Variants in TMPRSS15 observed in about 807,000 individuals in gnomAD.
TMPRSS15 encodes the protein transmembrane serine protease 15.
A neutral mutation model predicts 125.3 loss-of-function variants in TMPRSS15; 128 were observed. The observed-to-expected ratio is 1.02, with a 90% CI of 0.89 to 1.18. The LOEUF is 1.18. Ranked by LOEUF, TMPRSS15 falls within the 50% of genes most tolerant of loss-of-function variation. The pLI, the probability that TMPRSS15 is intolerant of heterozygous loss-of-function variation, is 0.00. For missense variants in TMPRSS15, 1,283 were observed against 1,212.7 expected, an observed-to-expected ratio of 1.06 and a Z score of -0.86; for synonymous variants, 446 against 423.2, an observed-to-expected ratio of 1.05 and a Z score of -0.66.
intron 21 of TMPRSS15, among the ~76,000 whole-genome samples, chr21:18,292,842 C>T (rs1426225819): frequency 2.0e-5 from 3 of 152,148 alleles, no homozygotes; most frequent in Non-Finnish European, 4.4e-5. Flanking sequence ...GGAAAAATTG[C>T]CTCTACAGAC....
chr21:18,448,063 C>A (rs1347737143), intron 1 of TMPRSS15, among the ~76,000 whole-genome samples: 1 of 151,958 alleles, frequency 6.6e-6, no homozygotes, highest in Non-Finnish European at 1.5e-5. Context: ...AAAGGTTCTT[C>A]AAAAAATTAA....
At chr21:18,460,479 T>G (rs1196093398) in intron 1 of TMPRSS15, 1 of 152,224 alleles carries the variant, frequency 6.6e-6, no homozygotes, top group Non-Finnish European at 1.5e-5. Context: ...ATTATTTATC[T>G]GTACTGTGCA....
At chr21:18,390,170 A>G (rs535511267) in intron 3 of TMPRSS15, among the ~76,000 whole-genome samples, 1 of 152,162 alleles carries the variant, frequency 6.6e-6, no homozygotes, top group Non-Finnish European at 1.5e-5. Context: ...TTTTCATAAA[A>G]CTTTCCATGA....
At chr21:18,372,355 T>C in intron 5 of TMPRSS15, 31 bp from the exon 6 acceptor site, 1 of 1,606,022 alleles carries the variant, frequency 6.2e-7, no homozygotes, top group Non-Finnish European at 8.5e-7. Context: ...TAATTTCCAA[T>C]TGATGAGATA....
chr21:18,308,917 T>G (rs774719677), intron 18 of TMPRSS15, among the ~76,000 whole-genome samples: 1 of 152,234 alleles, frequency 6.6e-6, no homozygotes, highest in Non-Finnish European at 1.5e-5. Context: ...GCAAAGGACA[T>G]GAACTTATCC....
intron 21 of TMPRSS15, among the ~76,000 whole-genome samples, chr21:18,282,762 G>A (rs57412067): frequency 0.04 from 6,015 of 152,070 alleles, 322 homozygotes; most frequent in African/African-American, 0.12. Context: ...CAAACTAGGC[G>A]CTGATTATCT....
chr21:18,353,303 C>T (rs1260297510), intron 9 of TMPRSS15, among the ~76,000 whole-genome samples: 1 of 151,664 alleles, frequency 6.6e-6, no homozygotes, highest in East Asian at 1.9e-4. Context: ...ATAAGTTTCT[C>T]ATTTTTTAAG....
rs189031426 is a variant in TMPRSS15 at position 18,415,085 on chromosome 21, C to T, written c.11-16756G>A. ...GAGGTAATATCATTCATTGTAGTTT[C>T]GATTTGTATTTCCCTGATGATTAGA... On this transcript the variant is annotated intron_variant, in intron 1 of 7. Coordinates refer to the TMPRSS15 transcript ENST00000422787. Among the ~76,000 whole-genome samples, 125 of 151,868 alleles carry T rather than the reference C, an allele frequency of 8.2e-4. No individual in the cohort carries two copies. In the Middle Eastern group the frequency reaches 0.01, roughly 12 times the overall value.
At chr21:18,396,280 G>T (rs563591090) in intron 3 of TMPRSS15, among the ~76,000 whole-genome samples, 59 of 152,038 alleles carry the variant, frequency 3.9e-4, no homozygotes, top group Non-Finnish European at 6.6e-4. Context: ...ATATTCTGTG[G>T]GCTCTGCTAC....
intron 6 of TMPRSS15, among the ~76,000 whole-genome samples, chr21:18,365,624 CTT>C (rs1491222385): frequency 1.3e-4 from 1 of 7,804 alleles, no homozygotes; most frequent in Admixed American, 1.5e-3. Flanking sequence ...TTCTCTCTTT[CTT>C]TCTCTTTCTC....
At chr21:18,355,562 C>T (rs2824765) in intron 8 of TMPRSS15, among the ~76,000 whole-genome samples, 89,473 of 151,444 alleles carry the variant, frequency 0.59, 26,902 homozygotes, top group East Asian at 0.86. Context: ...CCATGTATTT[C>T]ACAAATCCAG....
intron 1 of TMPRSS15, among the ~76,000 whole-genome samples, chr21:18,474,812 C>T (rs1023900119): frequency 2.0e-5 from 3 of 152,150 alleles, no homozygotes; most frequent in African/African-American, 4.8e-5. Flanking sequence ...TTATCCTAGT[C>T]TGACTGAGGC....
chr21:18,340,281 C>T (rs893537808), intron 13 of TMPRSS15, among the ~76,000 whole-genome samples: 6 of 152,298 alleles, frequency 3.9e-5, no homozygotes, highest in African/African-American at 1.2e-4. Flanking sequence ...TGGCCTTCAT[C>T]TTTCCCCCAT....
chr21:18,484,362 T>C (rs1395280617), intron 1 of TMPRSS15, among the ~76,000 whole-genome samples: 1 of 151,882 alleles, frequency 6.6e-6, no homozygotes, highest in African/African-American at 2.4e-5. Context: ...TGGTTTAAGT[T>C]TAACATAAAA....
intron 12 of TMPRSS15, 81 bp from the exon 13 acceptor site, chr21:18,341,629 A>C: frequency 7.0e-7 from 1 of 1,437,770 alleles, no homozygotes; most frequent in Non-Finnish European, 9.8e-7. Context: ...AGCCCAAGAG[A>C]TTCAATATTG....
At chr21:18,287,941 T>G (rs746636198) in intron 21 of TMPRSS15, among the ~76,000 whole-genome samples, 6 of 152,130 alleles carry the variant, frequency 3.9e-5, no homozygotes, top group Non-Finnish European at 8.8e-5. Context: ...ATCAGAGAAC[T>G]AAGAATAGAG....
At chr21:18,397,045 AC>A (rs913113224) in intron 3 of TMPRSS15, among the ~76,000 whole-genome samples, 15 of 151,174 alleles carry the variant, frequency 9.9e-5, no homozygotes, top group Non-Finnish European at 3.0e-5. Context: ...TCAGTCTTTA[AC>A]TTTTTTTTCT....
intron 13 of TMPRSS15, among the ~76,000 whole-genome samples, chr21:18,335,888 A>G (rs1468636946): frequency 2.0e-5 from 3 of 152,184 alleles, no homozygotes; most frequent in Admixed American, 2.0e-4. Flanking sequence ...GAATGAGAGT[A>G]AAATAGCCTG....
intron 6 of TMPRSS15, 45 bp from the exon 7 acceptor site, chr21:18,365,293 A>G (rs774660962): frequency 6.8e-7 from 1 of 1,474,872 alleles, no homozygotes; most frequent in East Asian, 2.3e-5. Context: ...CAATCTTGGG[A>G]TTCAAATTGG....
Sources: gnomAD v4.1 joint callset for allele counts (sites outside exome capture counted in the v4.1 genomes callset) on GRCh38, gnomAD v4.1.1 for gene constraint, MANE v1.5 for transcripts, NCBI Gene and HGNC (gene_info 2026-07-23, HGNC 2026-07-21) for gene names.